Variants in RAPGEF1 observed in about 807,000 individuals in gnomAD.
RAPGEF1 encodes Rap guanine nucleotide exchange factor 1, also known as CRK SH3-binding GNRP.
Under a neutral mutation model 143.3 loss-of-function variants are expected in RAPGEF1, and 33 were observed. The observed-to-expected ratio is 0.23, with a 90% CI of 0.17 to 0.31. The LOEUF is 0.31. Ranked by LOEUF, RAPGEF1 falls within the 10% of genes least tolerant of loss-of-function variation. The probability of loss-of-function intolerance (pLI) is 1.00; values close to 1 mark genes in which losing one functional copy is unlikely to be tolerated. For synonymous variants in RAPGEF1, 629 were observed against 676.5 expected, an observed-to-expected ratio of 0.93 and a Z score of 1.09; for missense variants, 1,199 against 1,645.4, an observed-to-expected ratio of 0.73 and a Z score of 4.69.
chr9:131,606,752 T>A (rs1957181245), intron 12 of RAPGEF1, among the ~76,000 whole-genome samples: 1 of 152,120 alleles, frequency 6.6e-6, no homozygotes, highest in African/African-American at 2.4e-5. Context: ...GGTTCCTGAG[T>A]AGCTGGGACC....
At chr9:131,607,377 A>C (rs1318968825) in intron 12 of RAPGEF1, among the ~76,000 whole-genome samples, 1 of 152,124 alleles carries the variant, frequency 6.6e-6, no homozygotes, top group African/African-American at 2.4e-5. Flanking sequence ...GTTTCACAGC[A>C]ATTACCCAGG....
chr9:131,604,076 A>C, intron 13 of RAPGEF1, 23 bp from the exon 14 acceptor site: 1 of 1,296,126 alleles, frequency 7.7e-7, no homozygotes, highest in Non-Finnish European at 1.0e-6. Context: ...GGACGAGAGG[A>C]AAGACACATG....
At chr9:131,627,725 C>G (rs867961333) in intron 9 of RAPGEF1, among the ~76,000 whole-genome samples, 188 bp downstream of exon 9, 1 of 152,166 alleles carries the variant, frequency 6.6e-6, no homozygotes, top group African/African-American at 2.4e-5. Context: ...TTTACATGCT[C>G]AACTTCCTTG....
At chr9:131,726,039 G>A (rs1836644878) in intron 1 of RAPGEF1, among the ~76,000 whole-genome samples, 1 of 151,994 alleles carries the variant, frequency 6.6e-6, no homozygotes, top group African/African-American at 2.4e-5. Flanking sequence ...GATTACAGGT[G>A]TGAGCCACTG....
rs1241903731 is a variant in RAPGEF1 at position 131,623,829 on chromosome 9, G to C, written c.1703-1831C>G. Reference sequence around the variant, plus strand: ...AATGATGAGGACACGTCGTGACATTGGGACTGAGCGTGCATGAACTCAGGC... The same window carrying C: ...AATGATGAGGACACGTCGTGACATTCGGACTGAGCGTGCATGAACTCAGGC... On this transcript the variant is annotated intron_variant, in intron 10 of 26. Transcript: ENST00000683357. Among the ~76,000 whole-genome samples the C allele has an allele frequency of 6.6e-5, 10 of 152,230 alleles. No individual in the cohort carries two copies. In the East Asian group the frequency reaches 1.9e-3, roughly 29 times the overall value.
intron 1 of RAPGEF1, among the ~76,000 whole-genome samples, chr9:131,713,998 C>T (rs185842828): frequency 2.6e-5 from 4 of 152,226 alleles, no homozygotes; most frequent in African/African-American, 9.6e-5. Context: ...AATAATCATT[C>T]TCTTAGTATA....
chr9:131,701,628 T>C (rs891517310), intron 1 of RAPGEF1, among the ~76,000 whole-genome samples: 10 of 152,240 alleles, frequency 6.6e-5, no homozygotes, highest in African/African-American at 1.2e-4. Context: ...GGATTGCATA[T>C]ACAATGTATT....
rs1161701188 is a variant in RAPGEF1 at position 131,582,597 on chromosome 9, C to T, written c.3512+8G>A. The T allele has an allele frequency of 1.3e-6, 2 of 1,502,698 alleles. No individual in the cohort carries two copies. The highest frequency in any genetic ancestry group is 5.4e-5 in the East Asian group (2 of 37,092). The allele number at this position is 1,502,698 out of a possible 1,614,324, so 93.1% of individuals were successfully genotyped here. A position where few individuals can be genotyped will look rare whatever the true frequency, so the allele number is the denominator to read the frequency against. On this transcript the variant is annotated splice_region_variant and intron_variant, in intron 25 of 26. Transcript: ENST00000683357. ...CGGGGCTGGGGGCCTGGAGGGGCTG[C>T]TACTCACAGGTACGGGATGCACGGC...
chr9:131,628,802 C>T lies in RAPGEF1; in HGVS notation c.894-130G>A. On this transcript the variant is annotated intron_variant, in intron 7 of 26. Transcript: ENST00000683357. This position sits in a 1 kb window ranked among gnomAD's most constrained non-coding sequence, Gnocchi z 5.7. The stretch of plus-strand genomic sequence containing the variant: ...CACACCCAATGTTCACACTTCAACT[C>T]CTGCCTACTCCCCTCCGCCAAAATA... The T allele has an allele frequency of 8.1e-7, 1 of 1,236,964 alleles. No individual in the cohort carries two copies. Among genetic ancestry groups the T allele is most frequent in the Non-Finnish European group, 1.1e-6 (1 of 897,206 alleles). The allele number at this position is 1,236,964 out of a possible 1,614,324, so 76.6% of individuals were successfully genotyped here. A position where few individuals can be genotyped will look rare whatever the true frequency, so the allele number is the denominator to read the frequency against.
At chr9:131,613,645 G>C (rs1958404177) in intron 12 of RAPGEF1, among the ~76,000 whole-genome samples, 1 of 152,156 alleles carries the variant, frequency 6.6e-6, no homozygotes, top group Non-Finnish European at 1.5e-5. Context: ...AAGAGTGAAT[G>C]GGCACTGCCT....
intron 10 of RAPGEF1, among the ~76,000 whole-genome samples, chr9:131,623,130 T>G (rs1961734657): frequency 6.6e-6 from 1 of 151,894 alleles, no homozygotes; most frequent in Non-Finnish European, 1.5e-5. Flanking sequence ...GAGGCAAGCC[T>G]AGGAAGGTGA....
chr9:131,701,087 T>C (rs1370774323), intron 1 of RAPGEF1, among the ~76,000 whole-genome samples: 1 of 152,130 alleles, frequency 6.6e-6, no homozygotes, highest in African/African-American at 2.4e-5. Flanking sequence ...ATCAAGTGCC[T>C]TAGAAGCAAT....
chr9:131,675,409 C>T lies in RAPGEF1; in HGVS notation c.62-24460G>A, dbSNP rs950338042. Among the ~76,000 whole-genome samples the T allele has an allele frequency of 2.6e-5, 4 of 152,198 alleles. No individual in the cohort carries two copies. Among genetic ancestry groups the T allele is most frequent in the Admixed American group, 2.6e-4 (4 of 15,282 alleles). On this transcript the variant is annotated intron_variant, in intron 1 of 26. Transcript: ENST00000683357. This position sits in a 1 kb window ranked among gnomAD's most constrained non-coding sequence, Gnocchi z 4.6. Reference sequence around the variant, plus strand: ...TGCGGGTGCCGGGACGTGCCGTCCACAGGGTTCACCATGTGTTTTTTTCTT... The same window carrying T: ...TGCGGGTGCCGGGACGTGCCGTCCATAGGGTTCACCATGTGTTTTTTTCTT...
chr9:131,626,308 C>A lies in RAPGEF1; in HGVS notation c.1316G>T (p.Gly439Val), dbSNP rs1320801591. 7.4e-6 allele frequency: 12 copies of A among 1,613,866 alleles called. No individual in the cohort carries two copies. The highest frequency in any genetic ancestry group is 1.0e-5 in the Non-Finnish European group (12 of 1,179,900). Residue 439 changes from glycine (G) to valine (V), a missense_variant, in exon 10 of 27, where the codon GGG (glycine) becomes GTG (valine). Transcript: ENST00000683357. ...GAAAGGAGGGCCAAGAAATGGAGAC[C>A]CAGACTCCCCCAAAGACTCTGGCAA... ...SPLPESLGES[G>V]SPFLGPPFQL...
intron 1 of RAPGEF1, among the ~76,000 whole-genome samples, chr9:131,718,885 C>A (rs536830312): frequency 6.6e-6 from 1 of 152,170 alleles, no homozygotes; most frequent in South Asian, 2.1e-4. Context: ...ACAGAAGAGC[C>A]CAAAACAGAA....
intron 1 of RAPGEF1, among the ~76,000 whole-genome samples, chr9:131,658,303 A>C (rs1482255204): frequency 2.6e-5 from 4 of 151,696 alleles, no homozygotes; most frequent in Non-Finnish European, 5.9e-5. Flanking sequence ...CAGACATGCA[A>C]ACTTTCCCAC....
chr9:131,632,677 T>C (rs924311551), intron 5 of RAPGEF1, among the ~76,000 whole-genome samples: 1 of 152,192 alleles, frequency 6.6e-6, no homozygotes, highest in Non-Finnish European at 1.5e-5. Flanking sequence ...AACAAGAATA[T>C]GCACTGTATC....
chr9:131,691,608 G>C (rs1833785451), intron 1 of RAPGEF1, among the ~76,000 whole-genome samples: 2 of 152,098 alleles, frequency 1.3e-5, no homozygotes, highest in South Asian at 4.1e-4. Flanking sequence ...ATCCTAAAAT[G>C]TTGTGTTTTC....
chr9:131,728,923 T>C (rs1222158458), intron 1 of RAPGEF1, among the ~76,000 whole-genome samples: 3 of 152,328 alleles, frequency 2.0e-5, no homozygotes, highest in South Asian at 2.1e-4. Flanking sequence ...GTTAGGATTT[T>C]CCCCATTTTA....
Sources: allele counts gnomAD v4.1 joint callset (sites outside exome capture counted in the v4.1 genomes callset), GRCh38; gene constraint gnomAD v4.1.1; non-coding constraint Gnocchi (gnomAD v3.1); transcripts MANE v1.5; gene names NCBI Gene and HGNC (gene_info 2026-07-23, HGNC 2026-07-21).